GRP: variants seen among roughly 807,000 people sequenced by gnomAD.
GRP encodes gastrin-releasing peptide.
Under a neutral mutation model 12.7 loss-of-function variants are expected in GRP, and 11 were observed. The ratio of observed to expected loss-of-function variants is 0.87; its 90% CI spans 0.55 to 1.44. The LOEUF is 1.44. Among genes scored for constraint, GRP ranks in the 40% most tolerant of loss-of-function variants. The probability of loss-of-function intolerance (pLI) is 0.00; values close to 1 mark genes in which losing one functional copy is unlikely to be tolerated. For synonymous variants in GRP, 84 were observed against 77.7 expected (o/e 1.08, Z -0.43); for missense variants, 212 against 185.4 (o/e 1.14, Z -0.83).
At chr18:59,220,901 A>T (rs954528423) in intron 1 of GRP, among the ~76,000 whole-genome samples, 18 of 152,178 alleles carry the variant, frequency 1.2e-4, no homozygotes, top group African/African-American at 4.3e-4. Context: ...CCGCAAAGCC[A>T]CAGGTGTGGG....
chr18:59,220,284 C>CCGCTGGTCCTGCTGG lies in GRP; in HGVS notation c.30_44dup (p.Leu11_Leu15dup), dbSNP rs1367152730. On this transcript the variant is annotated inframe_insertion, in exon 1 of 3. Transcript: ENST00000256857. The stretch of plus-strand genomic sequence containing the variant: ...CGGGACCATGCGCGGCCGTGAGCTC[C>CCGCTGGTCCTGCTGG]CGCTGGTCCTGCTGGCGCTGGTCCT... 3.3e-6 allele frequency: 5 copies of CCGCTGGTCCTGCTGG among 1,505,272 alleles called. No homozygotes were observed. The highest frequency in any genetic ancestry group is 1.4e-5 in the African/African-American group (1 of 69,814). The allele number at this position is 1,505,272 out of a possible 1,614,324, so 93.2% of individuals were successfully genotyped here. A position where few individuals can be genotyped will look rare whatever the true frequency, so the allele number is the denominator to read the frequency against.
In GRP at chr18:59,230,550, C is replaced by T; in HGVS notation, c.*82C>T. On this transcript the variant is annotated 3_prime_UTR_variant, in exon 3 of 3. Transcript: ENST00000256857. ...AAGCATCAGTTCTACGGATCATCAA[C>T]AAGATTTCCTTGTGCAAAATATTTG... 1.2e-6 allele frequency: 1 copy of T among 809,614 alleles called. No homozygotes were observed. Among genetic ancestry groups the T allele is most frequent in the Admixed American group, 1.8e-5 (1 of 54,860 alleles). 50.2% of individuals were successfully genotyped at this position (809,614 alleles called of 1,614,324 possible).
chr18:59,219,830 C>T (rs373782767), upstream of GRP, among the ~76,000 whole-genome samples: 17 of 152,196 alleles, frequency 1.1e-4, no homozygotes, highest in East Asian at 2.1e-3. Flanking sequence ...TCGCCCTCTC[C>T]AGGACTCTCA....
chr18:59,227,014 TTTCTTTCTTTCTTTC>T (rs2069941337), intron 2 of GRP, among the ~76,000 whole-genome samples: 1 of 139,378 alleles, frequency 7.2e-6, no homozygotes, highest in Non-Finnish European at 1.6e-5. Flanking sequence ...TCTTTCTTTC[TTTCTTTCTTTCTTTC>T]TTTCTTTCTT....
At chr18:59,226,635 T>C (rs558244308) in intron 2 of GRP, among the ~76,000 whole-genome samples, 141 of 152,334 alleles carry the variant, frequency 9.3e-4, no homozygotes, top group African/African-American at 3.4e-3. Context: ...TAAGGGCCTG[T>C]GTTCAGTCGG....
intron 1 of GRP, 101 bp from the exon 2 acceptor site, chr18:59,225,391 C>A: frequency 2.8e-6 from 3 of 1,061,328 alleles, no homozygotes; most frequent in South Asian, 3.1e-5. Flanking sequence ...TAGGAGGAAG[C>A]AGCACAAACA....
intron 2 of GRP, among the ~76,000 whole-genome samples, chr18:59,228,942 G>T (rs951604116): frequency 1.3e-4 from 20 of 152,236 alleles, no homozygotes; most frequent in African/African-American, 4.6e-4. Context: ...TTATTTAGTG[G>T]ACATGAAGAG....
chr18:59,225,359 A>G, intron 1 of GRP, 133 bp from the exon 2 acceptor site: 1 of 883,724 alleles, frequency 1.1e-6, no homozygotes, highest in Non-Finnish European at 1.8e-6. Context: ...AACTCTTAAT[A>G]AAACATGATT....
upstream of GRP, among the ~76,000 whole-genome samples, chr18:59,219,490 AT>A: frequency 2.1e-5 from 1 of 46,888 alleles, no homozygotes; most frequent in Non-Finnish European, 3.9e-5. Flanking sequence ...AGGGGAGGGT[AT>A]GGGAGTGGAG....
intron 2 of GRP, among the ~76,000 whole-genome samples, chr18:59,227,074 C>CTTTCCTTTT (rs2069953455): frequency 1.2e-5 from 1 of 80,314 alleles, no homozygotes; most frequent in African/African-American, 5.3e-5. Flanking sequence ...TCTTTTCTTT[C>CTTTCCTTTT]CTTTCTCTCT....
intron 1 of GRP, 72 bp from the exon 2 acceptor site, chr18:59,225,420 T>G: frequency 7.0e-7 from 1 of 1,432,440 alleles, no homozygotes; most frequent in Non-Finnish European, 9.5e-7. Context: ...TTTAAATTTC[T>G]TTTAAATTTC....
chr18:59,220,926 C>A (rs867316848), intron 1 of GRP, among the ~76,000 whole-genome samples: 9 of 152,308 alleles, frequency 5.9e-5, no homozygotes, highest in Non-Finnish European at 7.3e-5. Flanking sequence ...TAGGGTGCAG[C>A]GCTCCCGCCC....
chr18:59,227,099 C>CT lies in GRP; in HGVS notation c.382+1376dup, dbSNP rs1425814976. ...CCTTTCTCTCTTGCTCTCTCTCTCT[C>CT]TTTTTTTTTTTGACAAGGACTGGCT... On this transcript the variant is annotated intron_variant, in intron 2 of 2. Coordinates refer to ENST00000256857, the MANE Select transcript of GRP (RefSeq NM_002091.5). Among the ~76,000 whole-genome samples the CT allele has an allele frequency of 9.2e-3, 1,107 of 120,292 alleles. 27 individuals are homozygous for CT. The highest frequency in any genetic ancestry group is 0.032 in the African/African-American group (1,010 of 31,396). 78.9% of individuals were successfully genotyped at this position (120,292 alleles called of 152,430 possible).
At chr18:59,222,681 C>T (rs1314431683) in intron 1 of GRP, among the ~76,000 whole-genome samples, 4 of 152,246 alleles carry the variant, frequency 2.6e-5, no homozygotes, top group Middle Eastern at 3.4e-3. Flanking sequence ...TATATAAAAC[C>T]AAAGCTACAT....
Position 59,220,340 on chromosome 18 carries a change from G to C in GRP, c.75G>C (p.Pro25=), listed in dbSNP as rs1223347417. Residue 25 remains proline, a synonymous_variant, in exon 1 of 3, where the codon CCG becomes CCC. Coordinates refer to ENST00000256857, the MANE Select transcript of GRP (RefSeq NM_002091.5). The part of the protein sequence containing the change: ...LCLAPRGRAV[P]LPAGGGTVLT... ...TGGCGCCCCGGGGGCGAGCGGTCCC[G>C]CTGCCTGCGGGCGGAGGGACCGTGC... 1.3e-6 allele frequency: 2 copies of C among 1,483,602 alleles called. No homozygotes were observed. Among genetic ancestry groups the C allele is most frequent in the South Asian group, 1.3e-5 (1 of 77,510 alleles). The allele number at this position is 1,483,602 out of a possible 1,614,324, so 91.9% of individuals were successfully genotyped here. A position where few individuals can be genotyped will look rare whatever the true frequency, so the allele number is the denominator to read the frequency against.
At chr18:59,219,270 T>C (rs1262372767), upstream of GRP, among the ~76,000 whole-genome samples, 1 of 151,118 alleles carries the variant, frequency 6.6e-6, no homozygotes, top group East Asian at 2.0e-4. Flanking sequence ...GGAAGTTGCA[T>C]GCTTGTGAAA....
In GRP at chr18:59,220,352, C is replaced by A. The variant is rs772806763; in HGVS notation, c.87C>A (p.Gly29=). 1.4e-5 allele frequency: 20 copies of A among 1,477,932 alleles called. No homozygotes were observed. The African/African-American group carries it at 2.2e-4, about 16-fold the overall frequency. 91.6% of individuals were successfully genotyped at this position (1,477,932 alleles called of 1,614,324 possible). A position where few individuals can be genotyped will look rare whatever the true frequency, so the allele number is the denominator to read the frequency against. ...GGCGAGCGGTCCCGCTGCCTGCGGG[C>A]GGAGGGACCGTGCTGACCAAGATGT... ...PRGRAVPLPA[G]GGTVLTKMYP... Residue 29 remains glycine, a synonymous_variant, in exon 1 of 3, where the codon GGC becomes GGA. Transcript: ENST00000256857.
Position 59,225,686 on chromosome 18 carries a change from G to A in GRP, c.334G>A (p.Asp112Asn), listed in dbSNP as rs2069908666. 6.2e-7 allele frequency: 1 copy of A among 1,613,926 alleles called. No homozygotes were observed. Among genetic ancestry groups the A allele is most frequent in the South Asian group, 1.1e-5 (1 of 91,072 alleles). ...KALGNQQPSW[D>N]SEDSSNFKDV... ...CCTGGGCAATCAGCAGCCTTCGTGG[G>A]ATTCAGAGGATAGCAGCAACTTCAA... The change falls in exon 2 of 3, where the codon GAT becomes AAT. Residue 112 changes from aspartate (D) to asparagine (N), a missense_variant. Transcript: ENST00000256857.
chr18:59,230,279 T>C lies in GRP; in HGVS notation c.383-125T>C. The stretch of plus-strand genomic sequence containing the variant: ...GTTTCTGATTTAGTAGGTGTTAGGC[T>C]GAACCAAGAATTTGCCTTTCTAACA... On this transcript the variant is annotated intron_variant, in intron 2 of 2. Coordinates refer to ENST00000256857, the MANE Select transcript of GRP (RefSeq NM_002091.5). The C allele has an allele frequency of 4.4e-6, 3 of 678,618 alleles. No homozygotes were observed. The South Asian group carries it at 5.0e-5, about 11-fold the overall frequency. 42.0% of individuals were successfully genotyped at this position (678,618 alleles called of 1,614,324 possible). A position where few individuals can be genotyped will look rare whatever the true frequency, so the allele number is the denominator to read the frequency against.
Sources: gnomAD v4.1 joint callset for allele counts (sites outside exome capture counted in the v4.1 genomes callset) on GRCh38, gnomAD v4.1.1 for gene constraint, MANE v1.5 for transcripts, NCBI Gene and HGNC (gene_info 2026-07-23, HGNC 2026-07-21) for gene names.